The following LRCH3 variants were observed in gnomAD, a reference collection of about 807,000 sequenced individuals.
The protein encoded by LRCH3 is leucine rich repeats and calponin homology domain containing 3.
A neutral mutation model predicts 104.5 loss-of-function variants in LRCH3; 68 were observed. The observed-to-expected ratio is 0.65, with a 90% CI of 0.54 to 0.80. The LOEUF (loss-of-function observed/expected upper bound fraction) is 0.80, where lower values mean the gene tolerates loss of function less well. Among genes scored for constraint, LRCH3 ranks in the 30% least tolerant of loss-of-function variants. The pLI is 0.00. For synonymous variants in LRCH3, 344 were observed against 361.3 expected, an observed-to-expected ratio of 0.95 and a Z score of 0.54; for missense variants, 951 against 953.9, an observed-to-expected ratio of 1.00 and a Z score of 0.04.
rs780948295 is a variant in LRCH3 at position 197,871,366 on chromosome 3, C to T, written c.2034C>T (p.Leu678=). Residue 678 remains leucine, a synonymous_variant, in exon 19 of 21, where the codon CTC becomes CTT. Transcript: ENST00000425562. ...YRLKVSLPCD[L]GAALTDGVVL... ...TGAAAGTGTCTCTACCTTGTGATCT[C>T]GGAGCAGCTCTAACTGACGGTGTTG... is the stretch of plus-strand genomic sequence containing the variant. 6.2e-6 allele frequency: 10 copies of T among 1,614,032 alleles called. No homozygotes were observed. The highest frequency in any genetic ancestry group is 3.3e-5 in the Admixed American group (2 of 60,006).
intron 1 of LRCH3, among the ~76,000 whole-genome samples, chr3:197,794,258 C>T (rs949272528): frequency 6.6e-6 from 1 of 152,180 alleles, no homozygotes; most frequent in Non-Finnish European, 1.5e-5. Context: ...TACCATGCAA[C>T]CTCTTCATAT....
intron 3 of LRCH3, among the ~76,000 whole-genome samples, chr3:197,817,812 ATGTTTGTT>A (rs1225365993): frequency 1.3e-5 from 2 of 151,644 alleles, no homozygotes; most frequent in East Asian, 1.9e-4. Flanking sequence ...CTTCATTGCC[ATGTTTGTT>A]TGTTTGTTTG....
rs111855837 is a variant in LRCH3 at position 197,819,136 on chromosome 3, A to G, written c.535-1189A>G. 6.3e-4 allele frequency among the ~76,000 whole-genome samples: 95 copies of G among 151,956 alleles called. 1 individual carries two copies. The highest frequency in any genetic ancestry group is 1.1e-3 in the African/African-American group (46 of 41,464). ...GTGAGATTCCGTCTGGGAAAAAAAA[A>G]AAAAAAGAAAAAAGAATGAGTGTCC... On this transcript the variant is annotated intron_variant, in intron 3 of 20. Coordinates refer to ENST00000425562, the MANE Select transcript of LRCH3 (RefSeq NM_001365715.1).
rs1426852661 is a variant in LRCH3, at chr3:197,856,755, TCTA to T, written c.1645-2078_1645-2076del. 2.6e-5 allele frequency among the ~76,000 whole-genome samples: 4 copies of T among 152,188 alleles called. No individual in the cohort carries two copies. Among genetic ancestry groups the T allele is most frequent in the Non-Finnish European group, 5.9e-5 (4 of 68,030 alleles). ...ATAAGCTTCATGAACACAAGGATAT[TCTA>T]TTTTGTCTTAATGTACCTTAATACA... On this transcript the variant is annotated intron_variant, in intron 14 of 20. Transcript: ENST00000425562. This position sits in a 1 kb window ranked among gnomAD's most constrained non-coding sequence, Gnocchi z 4.2.
intron 12 of LRCH3, chr3:197,852,319 G>A (rs1168403351): frequency 4.5e-6 from 2 of 441,082 alleles, no homozygotes; most frequent in Non-Finnish European, 8.2e-6. Flanking sequence ...GCCATTAGAG[G>A]GAGAGAATAA....
chr3:197,804,671 T>G (rs980315287), intron 1 of LRCH3, among the ~76,000 whole-genome samples: 1 of 152,198 alleles, frequency 6.6e-6, no homozygotes, highest in African/African-American at 2.4e-5. Flanking sequence ...GCTCAGCTGC[T>G]TATCTTGCTT....
chr3:197,812,530 T>TTTTTTTTTTTTC (rs1733286183), intron 1 of LRCH3, among the ~76,000 whole-genome samples: 3 of 145,762 alleles, frequency 2.1e-5, no homozygotes, highest in Non-Finnish European at 4.5e-5. Context: ...TTTTTTTTTT[T>TTTTTTTTTTTTC]AGGTGGAGTC....
chr3:197,835,902 C>T (rs1736729443), intron 9 of LRCH3, 80 bp downstream of exon 9: 4 of 1,449,242 alleles, frequency 2.8e-6, no homozygotes, highest in Admixed American at 1.9e-5. Context: ...TTTGTTATAT[C>T]AGTGATTTGT....
chr3:197,832,251 C>CAGAGATTACT lies in LRCH3; in HGVS notation c.1037_1038insGAGATTACTA (p.Arg349LeufsTer26). 1.2e-6 allele frequency: 2 copies of CAGAGATTACT among 1,613,798 alleles called. No homozygotes were observed. Among genetic ancestry groups the CAGAGATTACT allele is most frequent in the Non-Finnish European group, 1.7e-6 (2 of 1,179,754 alleles). On this transcript the variant is annotated frameshift_variant, in exon 8 of 21. Transcript: ENST00000425562. LOFTEE classifies it high-confidence loss of function. The stretch of plus-strand genomic sequence containing the variant: ...TCGAGTAGCAGAGATTACTAAAGAA[C>CAGAGATTACT]AAAGACTACGAAGAGAAAGCCAGTA...
chr3:197,846,544 TAAAAAAAAA>T (rs74615885), intron 10 of LRCH3, among the ~76,000 whole-genome samples: 5 of 135,842 alleles, frequency 3.7e-5, no homozygotes, highest in African/African-American at 1.1e-4. Flanking sequence ...ACAGAAAAAT[TAAAAAAAAA>T]AAAACAAAAA....
rs745505237 is a variant in LRCH3 at position 197,858,839 on chromosome 3, G to C, written c.1650G>C (p.Leu550=). 25 of 1,613,298 alleles carry C rather than the reference G, an allele frequency of 1.5e-5. No homozygotes were observed. The highest frequency in any genetic ancestry group is 2.0e-5 in the Non-Finnish European group (24 of 1,179,400). The part of the protein sequence containing the change: ...HTDDSALCMS[L]SGLNQVGCAA... ...CTTTCTCATTTGAAATGTAGTCGCT[G>C]TCAGGGTTGAATCAAGTGGGCTGTG... Residue 550 remains leucine, a synonymous_variant, in exon 15 of 21, where the codon CTG becomes CTC. Coordinates refer to ENST00000425562, the MANE Select transcript of LRCH3 (RefSeq NM_001365715.1).
rs1241156233 is a variant in LRCH3, at chr3:197,806,858, A to G, written c.263-8050A>G. On this transcript the variant is annotated intron_variant, in intron 1 of 20. Transcript: ENST00000425562. ...TGAGCCACTGCATCCGGCTCCTGAG[A>G]CCCCATTTTTACAAAAGATTTAAAA... 2.0e-5 allele frequency among the ~76,000 whole-genome samples: 3 copies of G among 150,904 alleles called. No homozygotes were observed. The East Asian group carries it at 6.1e-4, about 30-fold the overall frequency.
rs1158628848 is a variant in LRCH3 at position 197,829,599 on chromosome 3, C to G, written c.813C>G (p.Tyr271Ter). ...CIKGKVHIFK[Y>*]LNIQACKIAP... ...AAGGCAAAGTCCACATATTTAAATA[C>G]CTGAACATACAAGCTTGTAAGATTG... The change falls in exon 6 of 21, where the codon TAC (tyrosine) becomes TAG (stop). Residue 271 changes from tyrosine (Y) to a stop codon, truncating the protein, a stop_gained. Coordinates refer to ENST00000425562, the MANE Select transcript of LRCH3 (RefSeq NM_001365715.1). LOFTEE classifies it high-confidence loss of function. 1 of 1,612,362 alleles carries G rather than the reference C, an allele frequency of 6.2e-7. No individual in the cohort carries two copies. The highest frequency in any genetic ancestry group is 1.3e-5 in the African/African-American group (1 of 74,988).
intron 19 of LRCH3, among the ~76,000 whole-genome samples, chr3:197,872,123 C>T (rs1428057633): frequency 2.0e-5 from 3 of 151,978 alleles, no homozygotes; most frequent in East Asian, 1.9e-4. Flanking sequence ...TTTGGGAGGC[C>T]GAGGCAGACG....
Position 197,791,332 on chromosome 3 carries a change from G to A in LRCH3, c.54G>A (p.Thr18=), listed in dbSNP as rs1462467667. 6.2e-7 allele frequency: 1 copy of A among 1,608,934 alleles called. No individual in the cohort carries two copies. The highest frequency in any genetic ancestry group is 1.7e-5 in the Admixed American group (1 of 59,520). ...CAGCGGCTGCCGAGTACTCTGGCAC[G>A]GTAGCGTCGGGAGGTAACCTCCCTG... ...AVAAAAEYSG[T]VASGGNLPGV... Residue 18 remains threonine, a synonymous_variant, in exon 1 of 21, where the codon ACG becomes ACA. Transcript: ENST00000425562.
At position 197,835,709 on chromosome 3, in the gene LRCH3, AG is replaced by A. The variant is rs760176037; in HGVS notation, c.1139del (p.Ser380ThrfsTer11). 1.2e-6 allele frequency: 2 copies of A among 1,613,838 alleles called. No individual in the cohort carries two copies. The highest frequency in any genetic ancestry group is 1.3e-5 in the African/African-American group (1 of 74,854). On this transcript the variant is annotated frameshift_variant, in exon 9 of 21. Transcript: ENST00000425562. LOFTEE classifies it high-confidence loss of function. Reference protein sequence around the residue: ...HDLDQIDYIDSCTAEEEEAEV... With the variant: ...HDLDQIDYIDXCTAEEEEAEV... ...TCTGGATCAGATTGACTACATAGAC[AG>A]CTGCACCGCAGAGGAAGAGGAGGCC...
chr3:197,869,822 A>G (rs958359281), intron 17 of LRCH3, among the ~76,000 whole-genome samples: 57 of 137,136 alleles, frequency 4.2e-4, no homozygotes, highest in African/African-American at 1.6e-3. Flanking sequence ...GTAGAAAGCG[A>G]TGCACTGTAC....
intron 15 of LRCH3, among the ~76,000 whole-genome samples, chr3:197,861,229 A>G (rs1740845411): frequency 6.6e-6 from 1 of 152,090 alleles, no homozygotes; most frequent in African/African-American, 2.4e-5. Flanking sequence ...CTCCTGAAAA[A>G]ACTTCATAAT....
chr3:197,866,278 C>A, intron 17 of LRCH3, 59 bp downstream of exon 17: 1 of 1,159,010 alleles, frequency 8.6e-7, no homozygotes, highest in Non-Finnish European at 1.3e-6. Flanking sequence ...ACGACGCTAG[C>A]TGTTAGATGG....
Sources: gnomAD v4.1 joint callset for allele counts (sites outside exome capture counted in the v4.1 genomes callset) on GRCh38, gnomAD v4.1.1 for gene constraint, Gnocchi (gnomAD v3.1) non-coding constraint, MANE v1.5 for transcripts, NCBI Gene and HGNC (gene_info 2026-07-23, HGNC 2026-07-21) for gene names.